The following UBE2H variants were observed in gnomAD, a reference collection of about 807,000 sequenced individuals.
UBE2H encodes ubiquitin-conjugating enzyme E2 H.
Under a neutral mutation model 29.0 loss-of-function variants are expected in UBE2H, and 3 were observed. The ratio of observed to expected loss-of-function variants is 0.10; its 90% confidence interval spans 0.05 to 0.27. The LOEUF is 0.27. UBE2H is among the 10% of genes least tolerant of loss of function. The pLI, the probability that UBE2H is intolerant of heterozygous loss-of-function variation, is 1.00. For synonymous variants in UBE2H, 69 were observed against 82.9 expected (o/e 0.83, Z 0.91); for missense variants, 68 against 228.2 (o/e 0.30, Z 4.52).
chr7:129,944,748 A>ACACACACGCACG (rs34490269), intron 1 of UBE2H, among the ~76,000 whole-genome samples: 32 of 140,154 alleles, frequency 2.3e-4, no homozygotes, highest in African/African-American at 7.5e-4. Flanking sequence ...ACACACACAC[A>ACACACACGCACG]CACGCACGCA....
intron 1 of UBE2H, among the ~76,000 whole-genome samples, chr7:129,945,144 A>G (rs1453315792): frequency 6.6e-6 from 1 of 152,216 alleles, no homozygotes; most frequent in Non-Finnish European, 1.5e-5. Context: ...GGGCCACAAG[A>G]AACTTTGGGG....
chr7:129,830,750 C>T lies in UBE2H; in HGVS notation c.*4187G>A, dbSNP rs1339548761. ...CCAGCCATTTGCCAAGGTATATACA[C>T]GTTTATTTAAAAAAGTTTACAGTTT... On this transcript the variant is annotated 3_prime_UTR_variant, in exon 7 of 7. Transcript: ENST00000355621. 2 of 150,940 alleles carry T rather than the reference C, an allele frequency of 1.3e-5. No homozygotes were observed. Among genetic ancestry groups the T allele is most frequent in the East Asian group, 1.9e-4 (1 of 5,150 alleles). 9.4% of individuals were successfully genotyped at this position (150,940 alleles called of 1,614,324 possible).
chr7:129,896,074 A>G (rs906116653), intron 1 of UBE2H, among the ~76,000 whole-genome samples: 1 of 152,018 alleles, frequency 6.6e-6, no homozygotes, highest in African/African-American at 2.4e-5. Context: ...GTCGTGGCTC[A>G]TGCCTGTAAT....
At chr7:129,866,344 T>C (rs927140136) in intron 3 of UBE2H, among the ~76,000 whole-genome samples, 6 of 152,232 alleles carry the variant, frequency 3.9e-5, no homozygotes, top group African/African-American at 1.4e-4. Context: ...TGAAGTGTTA[T>C]CCTTCAATAG....
chr7:129,863,808 G>GTTTTTTTTTTTTGTTTGTTT (rs1805844759), intron 3 of UBE2H, among the ~76,000 whole-genome samples: 1 of 136,042 alleles, frequency 7.4e-6, no homozygotes, highest in Admixed American at 7.5e-5. Flanking sequence ...AATACTAGGT[G>GTTTTTTTTTTTTGTTTGTTT]TTTTTTTTTT....
At chr7:129,889,761 A>G (rs1329292858) in intron 1 of UBE2H, among the ~76,000 whole-genome samples, 2 of 152,178 alleles carry the variant, frequency 1.3e-5, no homozygotes, top group Non-Finnish European at 2.9e-5. Context: ...GGGCAGAAAG[A>G]TTGCTTGAGG....
At chr7:129,837,294 G>C (rs1805348750) in intron 6 of UBE2H, among the ~76,000 whole-genome samples, 1 of 152,176 alleles carries the variant, frequency 6.6e-6, no homozygotes, top group Non-Finnish European at 1.5e-5. Flanking sequence ...AGGGAGCCCA[G>C]GGACCGAGTC....
chr7:129,868,144 CA>C (rs1805951286), intron 3 of UBE2H, among the ~76,000 whole-genome samples: 1 of 151,988 alleles, frequency 6.6e-6, no homozygotes, highest in African/African-American at 2.4e-5. Flanking sequence ...GATTTAATGC[CA>C]AAAAGATGTC....
chr7:129,920,944 C>T (rs1807149328), intron 1 of UBE2H, among the ~76,000 whole-genome samples: 1 of 149,068 alleles, frequency 6.7e-6, no homozygotes, highest in Non-Finnish European at 1.5e-5. Context: ...GGGAGGATCA[C>T]TTGAGGCCAG....
chr7:129,889,629 G>T (rs780469452), intron 1 of UBE2H, among the ~76,000 whole-genome samples: 8 of 152,074 alleles, frequency 5.3e-5, no homozygotes, highest in South Asian at 2.1e-4. Flanking sequence ...TGCAAGCTCC[G>T]TAAGAGCAGG....
chr7:129,902,968 G>C (rs564682089), intron 1 of UBE2H, among the ~76,000 whole-genome samples: 2 of 152,016 alleles, frequency 1.3e-5, no homozygotes, highest in African/African-American at 4.8e-5. Context: ...ATACACTGTC[G>C]GGCTGCAACC....
chr7:129,938,641 G>A (rs899445539), intron 1 of UBE2H, among the ~76,000 whole-genome samples: 2 of 151,146 alleles, frequency 1.3e-5, no homozygotes, highest in Non-Finnish European at 2.9e-5. Flanking sequence ...GGGAGGCGGA[G>A]GTTGTGGTGA....
At chr7:129,861,339 G>A (rs1805798084) in intron 3 of UBE2H, among the ~76,000 whole-genome samples, 1 of 152,124 alleles carries the variant, frequency 6.6e-6, no homozygotes, top group African/African-American at 2.4e-5. Flanking sequence ...CTGAAAGTAA[G>A]TACAAATGTT....
chr7:129,863,918 C>T (rs1469339147), intron 3 of UBE2H, among the ~76,000 whole-genome samples: 1 of 151,062 alleles, frequency 6.6e-6, no homozygotes, highest in Non-Finnish European at 1.5e-5. Context: ...GATTCTCCTG[C>T]CTCAGCCTCC....
intron 1 of UBE2H, among the ~76,000 whole-genome samples, chr7:129,914,737 A>T (rs1232830869): frequency 6.6e-6 from 1 of 152,162 alleles, no homozygotes; most frequent in African/African-American, 2.4e-5. Flanking sequence ...CAGTCCAGGG[A>T]ATTATCAGTA....
chr7:129,850,677 C>A (rs552008535), intron 5 of UBE2H, among the ~76,000 whole-genome samples: 4 of 151,764 alleles, frequency 2.6e-5, no homozygotes, highest in Non-Finnish European at 5.9e-5. Flanking sequence ...TAGCCAGGTG[C>A]GGTGGCAGGC....
chr7:129,939,493 T>G (rs773561287), intron 1 of UBE2H, among the ~76,000 whole-genome samples: 2 of 152,226 alleles, frequency 1.3e-5, no homozygotes, highest in Non-Finnish European at 2.9e-5. Flanking sequence ...AGTAAGACCA[T>G]GAAAACATTA....
intron 3 of UBE2H, among the ~76,000 whole-genome samples, chr7:129,875,098 T>G (rs1458871141): frequency 6.6e-6 from 1 of 152,034 alleles, no homozygotes; most frequent in East Asian, 1.9e-4. Context: ...GACAGGACAG[T>G]CAAAAGACAT....
At chr7:129,905,570 G>A (rs1295691172) in intron 1 of UBE2H, among the ~76,000 whole-genome samples, 2 of 152,138 alleles carry the variant, frequency 1.3e-5, no homozygotes, top group Non-Finnish European at 2.9e-5. Context: ...GGAAGGCAGG[G>A]GAGTCCCCTT....
Sources: allele counts gnomAD v4.1 joint callset (sites outside exome capture counted in the v4.1 genomes callset), GRCh38; gene constraint gnomAD v4.1.1; transcripts MANE v1.5; gene names NCBI Gene and HGNC (gene_info 2026-07-23, HGNC 2026-07-21).